Variants in ESRRG observed in about 807,000 individuals in gnomAD.
ESRRG encodes the protein estrogen related receptor gamma, also known as estrogen-related receptor gamma.
Under a neutral mutation model 44.0 loss-of-function variants are expected in ESRRG, and 13 were observed. The observed-to-expected ratio is 0.30, with a 90% CI of 0.19 to 0.47. The LOEUF is 0.47. ESRRG is among the 20% of genes least tolerant of loss of function. The pLI is 1.00. For missense variants in ESRRG, 395 were observed against 580.6 expected (o/e 0.68, Z 3.29); for synonymous variants, 215 against 214.6 (o/e 1.00, Z -0.02).
At position 216,984,894 on chromosome 1, in the gene ESRRG, C is replaced by A. The variant is rs191092145; in HGVS notation, c.-105-45221G>T. ...TATGTAGCTTCTTCATCTGTGACAT[C>A]AATGACATTTTTTACTTGCCTATTT... On this transcript the variant is annotated intron_variant, in intron 1 of 7. Coordinates refer to the ESRRG transcript ENST00000359162. Among the ~76,000 whole-genome samples, 14 of 152,266 alleles carry A rather than the reference C, an allele frequency of 9.2e-5. No individual in the cohort carries two copies. The East Asian group carries it at 2.5e-3, about 27-fold the overall frequency.
At chr1:217,062,339 A>G (rs986504516) in intron 1 of ESRRG, among the ~76,000 whole-genome samples, 3 of 152,166 alleles carry the variant, frequency 2.0e-5, no homozygotes, top group African/African-American at 7.2e-5. Context: ...AAGGATGAAA[A>G]GCTGGAAATT....
At chr1:216,653,596 T>G (rs2069579149) in intron 2 of ESRRG, among the ~76,000 whole-genome samples, 1 of 152,172 alleles carries the variant, frequency 6.6e-6, no homozygotes, top group Non-Finnish European at 1.5e-5. Context: ...CCACTTTTTC[T>G]TCTTAAAATT....
intron 1 of ESRRG, among the ~76,000 whole-genome samples, chr1:217,019,816 A>T (rs1435299883): frequency 6.6e-6 from 1 of 152,226 alleles, no homozygotes; most frequent in Non-Finnish European, 1.5e-5. Flanking sequence ...TGTCTGTCTC[A>T]TAGAAAGCTC....
chr1:216,650,494 G>A (rs955466581), intron 3 of ESRRG, among the ~76,000 whole-genome samples: 3 of 151,910 alleles, frequency 2.0e-5, no homozygotes, highest in African/African-American at 7.3e-5. Context: ...CCAACTGAAA[G>A]CAAATAGAAA....
chr1:216,990,333 T>C (rs1010996625), intron 1 of ESRRG, among the ~76,000 whole-genome samples: 5 of 152,188 alleles, frequency 3.3e-5, no homozygotes, highest in African/African-American at 1.2e-4. Flanking sequence ...TCAAAAATAT[T>C]TTTTTAAAGT....
intron 2 of ESRRG, among the ~76,000 whole-genome samples, chr1:216,885,742 T>C (rs574640790): frequency 6.6e-6 from 1 of 152,250 alleles, no homozygotes; most frequent in East Asian, 1.9e-4. Flanking sequence ...TCCTTTAGTG[T>C]CTTCTGACGC....
intron 3 of ESRRG, among the ~76,000 whole-genome samples, chr1:216,623,077 C>CTT (rs370657704): frequency 0.23 from 20,563 of 88,632 alleles, 4,447 homozygotes; most frequent in Non-Finnish European, 0.3. Flanking sequence ...AATCATTAAA[C>CTT]TTTTTTTTTT....
At chr1:217,114,745 C>A (rs1027896592) in intron 1 of ESRRG, among the ~76,000 whole-genome samples, 1 of 150,852 alleles carries the variant, frequency 6.6e-6, no homozygotes, top group African/African-American at 2.4e-5. Flanking sequence ...CAATCTCTGC[C>A]CCCTGGGTTC....
intron 2 of ESRRG, among the ~76,000 whole-genome samples, chr1:216,907,682 C>T (rs2059838560): frequency 6.6e-6 from 1 of 152,134 alleles, no homozygotes; most frequent in South Asian, 2.1e-4. Context: ...TAGAATATAC[C>T]AGGCATATCT....
intron 3 of ESRRG, among the ~76,000 whole-genome samples, chr1:216,582,045 G>T (rs1437190677): frequency 6.6e-6 from 1 of 152,028 alleles, no homozygotes; most frequent in East Asian, 1.9e-4. Context: ...ATTTATTTAG[G>T]CCCTCCATTA....
chr1:216,629,809 G>C (rs2063808273), intron 3 of ESRRG, among the ~76,000 whole-genome samples: 1 of 152,112 alleles, frequency 6.6e-6, no homozygotes, highest in Non-Finnish European at 1.5e-5. Flanking sequence ...GGAGACTTAG[G>C]CAAAATACCA....
intron 2 of ESRRG, among the ~76,000 whole-genome samples, chr1:216,815,221 T>A (rs113258257): frequency 1.4e-4 from 22 of 152,324 alleles, no homozygotes; most frequent in African/African-American, 5.3e-4. Flanking sequence ...TGTGCTGACA[T>A]TGTTCAGTGC....
chr1:216,542,092 G>A (rs1443080733), intron 5 of ESRRG, among the ~76,000 whole-genome samples: 1 of 151,766 alleles, frequency 6.6e-6, no homozygotes, highest in African/African-American at 2.4e-5. Context: ...GAGAGAGAGA[G>A]AGAGAGAGAG....
At chr1:216,543,237 G>T (rs1457072416) in intron 5 of ESRRG, among the ~76,000 whole-genome samples, 1 of 151,950 alleles carries the variant, frequency 6.6e-6, no homozygotes, top group Non-Finnish European at 1.5e-5. Flanking sequence ...GACACTATTT[G>T]TTTGGATTGT....
intron 2 of ESRRG, among the ~76,000 whole-genome samples, chr1:216,742,145 C>T (rs1403342966): frequency 2.6e-5 from 4 of 152,182 alleles, no homozygotes; most frequent in Non-Finnish European, 5.9e-5. Context: ...ACAGCCTTCA[C>T]GTAACCTGAA....
intron 2 of ESRRG, among the ~76,000 whole-genome samples, chr1:216,939,354 A>AAAACAAAC: frequency 1.1e-5 from 1 of 88,606 alleles, no homozygotes; most frequent in African/African-American, 5.5e-5. Flanking sequence ...AAAAAAAAAA[A>AAAACAAAC]AAAAAAAAAA....
At chr1:216,854,255 G>A (rs2095884481) in intron 2 of ESRRG, among the ~76,000 whole-genome samples, 1 of 150,478 alleles carries the variant, frequency 6.6e-6, no homozygotes, top group African/African-American at 2.5e-5. Context: ...TACTCAGGAG[G>A]CTGAGGCAGG....
At chr1:217,013,350 C>T (rs569706635) in intron 1 of ESRRG, among the ~76,000 whole-genome samples, 2 of 152,300 alleles carry the variant, frequency 1.3e-5, no homozygotes, top group East Asian at 3.9e-4. Context: ...GACTGCATTA[C>T]ACTAATGCAA....
intron 2 of ESRRG, among the ~76,000 whole-genome samples, chr1:216,676,369 A>G (rs2076108967): frequency 6.6e-6 from 1 of 152,096 alleles, no homozygotes. Context: ...ATATTTTATC[A>G]TTCAATGCCA....
Sources: gnomAD v4.1 joint callset for allele counts (sites outside exome capture counted in the v4.1 genomes callset) on GRCh38, gnomAD v4.1.1 for gene constraint, MANE v1.5 for transcripts, NCBI Gene and HGNC (gene_info 2026-07-23, HGNC 2026-07-21) for gene names.